The following NOTCH2 variants were observed in gnomAD, a reference collection of about 807,000 sequenced individuals.
NOTCH2 encodes the protein notch receptor 2.
NOTCH2 carries 29 observed loss-of-function variants against 235.8 expected under a neutral mutation model. That is an observed-to-expected ratio of 0.12 (90% CI 0.09 to 0.17). The LOEUF (loss-of-function observed/expected upper bound fraction) is 0.17, where lower values mean the gene tolerates loss of function less well. NOTCH2 is among the 10% of genes least tolerant of loss of function. NOTCH2 has a pLI of 1.00. For synonymous variants in NOTCH2, 1,086 were observed against 1,141.5 expected, an observed-to-expected ratio of 0.95 and a Z score of 0.98; for missense variants, 2,285 against 3,150.2, an observed-to-expected ratio of 0.73 and a Z score of 6.57.
chr1:120,064,687 T>C (rs1308359164), intron 1 of NOTCH2, among the ~76,000 whole-genome samples: 4 of 139,974 alleles, frequency 2.9e-5, no homozygotes, highest in Non-Finnish European at 4.5e-5. Flanking sequence ...TTCTCTCAAA[T>C]ATTTATTCAT....
chr1:120,015,175 CAT>C (rs1411200264), intron 2 of NOTCH2, among the ~76,000 whole-genome samples: 3 of 152,166 alleles, frequency 2.0e-5, no homozygotes, highest in Non-Finnish European at 2.9e-5. Flanking sequence ...AAAAAAGTCT[CAT>C]GTGGGTTGCG....
chr1:120,005,459 C>A lies in NOTCH2; in HGVS notation c.285G>T (p.Gly95=), dbSNP rs781805966. ...AGTACTGGCAGTCCTCTCCTGTAAA[C>A]CCTGAGGCACATCGGCACGTGGCTT... ...LGKATCRCAS[G]FTGEDCQYST... The change falls in exon 3 of 34, where the codon GGG becomes GGT. Residue 95 remains glycine, a synonymous_variant. Coordinates refer to ENST00000256646, the MANE Select transcript of NOTCH2 (RefSeq NM_024408.4). 6.8e-6 allele frequency: 11 copies of A among 1,613,828 alleles called. No homozygotes were observed. The highest frequency in any genetic ancestry group is 9.3e-6 in the Non-Finnish European group (11 of 1,179,838).
Position 119,986,951 on chromosome 1 carries a change from TG to T in NOTCH2, c.874+8del. ...TCCCATTCTGGTGGATTCTCCACAC[TG>T]TACATACCTGTCCATTGTGGGGGAC... On this transcript the variant is annotated splice_region_variant and intron_variant, in intron 5 of 33. Coordinates refer to ENST00000256646, the MANE Select transcript of NOTCH2 (RefSeq NM_024408.4). 6.2e-7 allele frequency: 1 copy of T among 1,613,516 alleles called. No individual in the cohort carries two copies. Among genetic ancestry groups the T allele is most frequent in the Non-Finnish European group, 8.5e-7 (1 of 1,179,512 alleles).
In NOTCH2 at chr1:119,915,801, G is replaced by A. The variant is rs886043678; in HGVS notation, c.6921C>T (p.Phe2307=). ...PREPLPPIVT[F]QLIPKGSIAQ... is the part of the protein sequence containing the mutation. ...CAATACTGCCTTTAGGGATGAGCTG[G>A]AAAGTCACAATGGGGGGCAAGGGCT... Residue 2307 remains phenylalanine, a synonymous_variant, in exon 34 of 34, where the codon TTC becomes TTT. Coordinates refer to ENST00000256646, the MANE Select transcript of NOTCH2 (RefSeq NM_024408.4). 1 of 1,612,874 alleles carries A rather than the reference G, an allele frequency of 6.2e-7. No individual in the cohort carries two copies. Among genetic ancestry groups the A allele is most frequent in the Non-Finnish European group, 8.5e-7 (1 of 1,179,090 alleles).
intron 19 of NOTCH2, among the ~76,000 whole-genome samples, chr1:119,938,281 C>A (rs1649934998): frequency 6.6e-6 from 1 of 151,898 alleles, no homozygotes; most frequent in Non-Finnish European, 1.5e-5. Context: ...ACCAATTTTA[C>A]CACAGTCTAA....
rs1553204371 is a variant in NOTCH2, at chr1:119,997,331, A to C, written c.417T>G (p.Gly139=). ...YECTCQVGFT[G]KECQWTDACL... ...AGGCATCCGTCCATTGGCACTCCTT[A>C]CCTAAAGGAAGGATAACAAAACTCA... Residue 139 remains glycine (G), a splice_region_variant and synonymous_variant, in exon 4 of 34, where the codon GGT becomes GGG. Transcript: ENST00000256646. The C allele has an allele frequency of 1.2e-6, 2 of 1,613,886 alleles. No individual in the cohort carries two copies. Among genetic ancestry groups the C allele is most frequent in the Admixed American group, 1.7e-5 (1 of 60,012 alleles).
intron 3 of NOTCH2, among the ~76,000 whole-genome samples, chr1:120,000,024 G>T (rs61787010): frequency 6.6e-6 from 1 of 150,792 alleles, no homozygotes; most frequent in Non-Finnish European, 1.5e-5. Context: ...AGGGAGAAAG[G>T]AAGGAAGGAA....
chr1:119,979,456 G>A (rs1553201375), intron 5 of NOTCH2, among the ~76,000 whole-genome samples: 1 of 152,134 alleles, frequency 6.6e-6, no homozygotes, highest in East Asian at 1.9e-4. Context: ...ATTAATTCGT[G>A]ACCCAAGAAT....
Position 120,069,391 on chromosome 1 carries a change from G to T in NOTCH2, c.16C>A (p.Pro6Thr). MPALR[P>T]ALLWALLALW... ...GCCAGCAGCGCCCACAGCAGAGCGG[G>T]GCGCAGGGCGGGCATCTTCTCGGTC... The change falls in exon 1 of 34, where the codon CCC becomes ACC. Residue 6 changes from proline (P) to threonine (T), a missense_variant. Transcript: ENST00000256646. 4 of 1,552,250 alleles carry T rather than the reference G, an allele frequency of 2.6e-6. No homozygotes were observed. The highest frequency in any genetic ancestry group is 2.6e-6 in the Non-Finnish European group (3 of 1,157,354).
intron 3 of NOTCH2, among the ~76,000 whole-genome samples, chr1:119,999,908 A>G (rs1269177705): frequency 6.9e-6 from 1 of 145,392 alleles, no homozygotes; most frequent in Non-Finnish European, 1.5e-5. Context: ...AGAGAAAGAG[A>G]GAAAGAGAGA....
intron 17 of NOTCH2, among the ~76,000 whole-genome samples, chr1:119,942,766 A>G (rs1270747810): frequency 6.6e-6 from 1 of 152,236 alleles, no homozygotes; most frequent in Non-Finnish European, 1.5e-5. Flanking sequence ...TAATGTGAGA[A>G]AGGAATACAA....
intron 21 of NOTCH2, among the ~76,000 whole-genome samples, chr1:119,935,967 T>C (rs149593575): frequency 2.6e-5 from 4 of 152,350 alleles, no homozygotes; most frequent in Non-Finnish European, 5.9e-5. Context: ...GAGGACCCTA[T>C]GACTCGGTCA....
chr1:120,037,778 G>C (rs1164055), intron 1 of NOTCH2, among the ~76,000 whole-genome samples: 1,495 of 151,278 alleles, frequency 9.9e-3, no homozygotes, highest in African/African-American at 0.034. Context: ...TATAGAAAGT[G>C]TGTTTTCTAC....
chr1:119,940,779 T>A (rs373830204), intron 18 of NOTCH2, 23 bp from the exon 19 acceptor site: 7 of 1,599,528 alleles, frequency 4.4e-6, no homozygotes, highest in Non-Finnish European at 6.0e-6. Context: ...CAGAGCAACA[T>A]CAGCTATGTA....
chr1:119,923,525 A>T (rs1016641771), intron 26 of NOTCH2, 112 bp downstream of exon 26: 4 of 943,350 alleles, frequency 4.2e-6, no homozygotes, highest in Non-Finnish European at 6.9e-6. Flanking sequence ...GTGGTGGGCC[A>T]TTCTATTTTT....
Position 119,915,182 on chromosome 1 carries a change from T to C in NOTCH2, c.*124A>G, listed in dbSNP as rs1490919653. Reference sequence around the variant, plus strand: ...TTGCATTATCTGAATAAGAACATCTTCTCTTTCCTACCTCTAGAAGCTGGC... The same window carrying C: ...TTGCATTATCTGAATAAGAACATCTCCTCTTTCCTACCTCTAGAAGCTGGC... On this transcript the variant is annotated 3_prime_UTR_variant, in exon 34 of 34. Transcript: ENST00000256646. 6.9e-6 allele frequency: 7 copies of C among 1,008,420 alleles called. No homozygotes were observed. The highest frequency in any genetic ancestry group is 1.1e-5 in the Non-Finnish European group (7 of 647,666). The allele number at this position is 1,008,420 out of a possible 1,614,324, so 62.5% of individuals were successfully genotyped here. A position where few individuals can be genotyped will look rare whatever the true frequency, so the allele number is the denominator to read the frequency against.
rs187317151 is a variant in NOTCH2, at chr1:119,943,104, T to C, written c.2753-1350A>G. The stretch of plus-strand genomic sequence containing the variant: ...CCAGGCTGGTCTTGAACTGTGTCTA[T>C]ATGTCTTTCTTCCCTAACAGACTAT... On this transcript the variant is annotated intron_variant, in intron 17 of 33. Coordinates refer to ENST00000256646, the MANE Select transcript of NOTCH2 (RefSeq NM_024408.4). Among the ~76,000 whole-genome samples the C allele has an allele frequency of 7.0e-4, 107 of 152,296 alleles. 1 individual carries two copies. Among genetic ancestry groups the C allele is most frequent in the East Asian group, 1.5e-3 (8 of 5,192 alleles).
chr1:119,944,514 G>A (rs587676336), intron 17 of NOTCH2, among the ~76,000 whole-genome samples: 3 of 141,982 alleles, frequency 2.1e-5, no homozygotes, highest in African/African-American at 5.2e-5. Context: ...CAGCCTGGGC[G>A]ACAGAGCGAG....
chr1:119,965,073 T>C (rs1449587033), intron 10 of NOTCH2, among the ~76,000 whole-genome samples: 1 of 152,036 alleles, frequency 6.6e-6, no homozygotes, highest in Non-Finnish European at 1.5e-5. Flanking sequence ...CTGGGCCTTC[T>C]TTCAGTCACT....
Sources: allele counts gnomAD v4.1 joint callset (sites outside exome capture counted in the v4.1 genomes callset), GRCh38; gene constraint gnomAD v4.1.1; transcripts MANE v1.5; gene names NCBI Gene and HGNC (gene_info 2026-07-23, HGNC 2026-07-21).